Variants in MEX3D observed in about 807,000 individuals in gnomAD.
MEX3D encodes the protein mex-3 RNA binding family member D.
MEX3D carries 4 observed loss-of-function variants against 6.3 expected under a neutral mutation model. That is an observed-to-expected ratio of 0.64 (90% CI 0.31 to 1.46). The LOEUF (loss-of-function observed/expected upper bound fraction) is 1.46, where lower values mean the gene tolerates loss of function less well. Ranked by LOEUF, MEX3D falls within the 40% of genes most tolerant of loss-of-function variation. The pLI is 0.07. For missense variants in MEX3D, 1,038 were observed against 994.4 expected (o/e 1.04, Z -0.59); for synonymous variants, 626 against 494.1 (o/e 1.27, Z -3.54).
At position 1,556,477 on chromosome 19, in the gene MEX3D, C is replaced by G. The variant is rs1914565941; in HGVS notation, c.1042G>C (p.Ala348Pro). Residue 348 changes from alanine (A) to proline (P), a missense_variant, in exon 2 of 2, where the codon GCG (alanine) becomes CCG (proline). By Grantham distance (27) the Ala-to-Pro change is conservative. This residue lies in a region of MEX3D where 581 missense variants were observed against 516.2 expected (regional missense o/e 1.13). Transcript: ENST00000402693. The surrounding 1 kb of genome is among the most constrained non-coding windows in gnomAD (Gnocchi z 7.5). ...ITLRTGAFTDAGPDSDFHANG... is the reference protein window; with the variant it reads ...ITLRTGAFTDPGPDSDFHANG... ...GCGTGGAAGTCGCTGTCGGGGCCCGCGTCGGTGAAGGCGCCAGTGCGCAGC... is the reference window on the plus strand; with the variant it reads ...GCGTGGAAGTCGCTGTCGGGGCCCGGGTCGGTGAAGGCGCCAGTGCGCAGC... 3.1e-6 allele frequency: 5 copies of G among 1,601,710 alleles called. No individual in the cohort carries two copies. The highest frequency in any genetic ancestry group is 4.2e-6 in the Non-Finnish European group (5 of 1,177,876).
chr19:1,556,137 G>A lies in MEX3D; in HGVS notation c.1382C>T (p.Ala461Val). ...CDFGFDFDFLALDLTVPAAAT... is the reference protein window; with the variant it reads ...CDFGFDFDFLVLDLTVPAAAT... Reference sequence around the variant, plus strand: ...CGCGGCGGGCACGGTCAGGTCCAGCGCCAGGAAGTCGAAGTCGAAGCCGAA... The same window carrying A: ...CGCGGCGGGCACGGTCAGGTCCAGCACCAGGAAGTCGAAGTCGAAGCCGAA... Residue 461 changes from alanine (A) to valine (V), a missense_variant, in exon 2 of 2, where the codon GCG becomes GTG. Around this residue, in one of 5 missense-constraint regions of MEX3D, gnomAD observed 581 missense variants for 516.2 expected, o/e 1.13. Coordinates refer to ENST00000402693, the MANE Select transcript of MEX3D (RefSeq NM_203304.4). The surrounding 1 kb of genome is among the most constrained non-coding windows in gnomAD (Gnocchi z 7.5). 1 of 1,473,168 alleles carries A rather than the reference G, an allele frequency of 6.8e-7. No homozygotes were observed. The highest frequency in any genetic ancestry group is 9.0e-7 in the Non-Finnish European group (1 of 1,111,968). The allele number at this position is 1,473,168 out of a possible 1,614,324, so 91.3% of individuals were successfully genotyped here.
At position 1,555,511 on chromosome 19, in the gene MEX3D, G is replaced by A. The variant is rs1599320868; in HGVS notation, c.*52C>T. The A allele has an allele frequency of 4.7e-6, 6 of 1,275,100 alleles. No individual in the cohort carries two copies. The highest frequency in any genetic ancestry group is 6.2e-6 in the Non-Finnish European group (6 of 972,452). 79.0% of individuals were successfully genotyped at this position (1,275,100 alleles called of 1,614,324 possible). ...CACCCCGGGTCCCGCCCCGTCTCCCGCGCCCACCCCTGGCCCCCGCAGATG... is the reference window on the plus strand; with the variant it reads ...CACCCCGGGTCCCGCCCCGTCTCCCACGCCCACCCCTGGCCCCCGCAGATG... On this transcript the variant is annotated 3_prime_UTR_variant, in exon 2 of 2. Transcript: ENST00000402693.
chr19:1,555,365 G>A lies in MEX3D; in HGVS notation c.*198C>T. 1 of 1,602,300 alleles carries A rather than the reference G, an allele frequency of 6.2e-7. No individual in the cohort carries two copies. The highest frequency in any genetic ancestry group is 8.5e-7 in the Non-Finnish European group (1 of 1,174,014). ...TCGTTGAAGGGCTGAGGCGCCGCCG[G>A]GCTGCGGGGTCTCCGTCTCCACGCC... On this transcript the variant is annotated 3_prime_UTR_variant, in exon 2 of 2. Transcript: ENST00000402693.
chr19:1,556,141 GGAAGTCGAAGTCGAAGCC>G lies in MEX3D; in HGVS notation c.1360_1377del (p.Gly454_Phe459del). ...GCGGGCACGGTCAGGTCCAGCGCCA[GGAAGTCGAAGTCGAAGCC>G]GAAGTCGCAGTCGTCGGGGGCGGCC... is the stretch of plus-strand genomic sequence containing the variant. On this transcript the variant is annotated inframe_deletion, in exon 2 of 2. Coordinates refer to ENST00000402693, the MANE Select transcript of MEX3D (RefSeq NM_203304.4). The surrounding 1 kb of genome is among the most constrained non-coding windows in gnomAD (Gnocchi z 7.5). The G allele has an allele frequency of 6.8e-7, 1 of 1,475,232 alleles. No individual in the cohort carries two copies. The highest frequency in any genetic ancestry group is 9.0e-7 in the Non-Finnish European group (1 of 1,113,402). 91.4% of individuals were successfully genotyped at this position (1,475,232 alleles called of 1,614,324 possible).
At chr19:1,566,622 C>A (rs554571722) in intron 1 of MEX3D, among the ~76,000 whole-genome samples, 1 of 151,560 alleles carries the variant, frequency 6.6e-6, no homozygotes, top group Non-Finnish European at 1.5e-5. Flanking sequence ...GGGAGGCAGG[C>A]GGGCGGGTGG....
rs903317384 is a variant in MEX3D, at chr19:1,568,277, G to T, written c.-219C>A. On this transcript the variant is annotated 5_prime_UTR_variant, in exon 1 of 2. Transcript: ENST00000402693. ...CAGCGACTCTGGCTGCGGCTCGGCG[G>T]CGGCGGCGACGGCGGCGGCGGCTCC... 7.1e-6 allele frequency among the ~76,000 whole-genome samples: 1 copy of T among 141,518 alleles called. No homozygotes were observed. Among genetic ancestry groups the T allele is most frequent in the Non-Finnish European group, 1.6e-5 (1 of 63,946 alleles). 92.8% of individuals were successfully genotyped at this position (141,518 alleles called of 152,430 possible). A position where few individuals can be genotyped will look rare whatever the true frequency, so the allele number is the denominator to read the frequency against.
In MEX3D at chr19:1,567,566, C is replaced by G. The variant is rs1336075332; in HGVS notation, c.493G>C (p.Asp165His). 6.6e-7 allele frequency: 1 copy of G among 1,517,178 alleles called. No individual in the cohort carries two copies. Among genetic ancestry groups the G allele is most frequent in the Non-Finnish European group, 8.8e-7 (1 of 1,134,980 alleles). The allele number at this position is 1,517,178 out of a possible 1,614,324, so 94.0% of individuals were successfully genotyped here. A position where few individuals can be genotyped will look rare whatever the true frequency, so the allele number is the denominator to read the frequency against. The change falls in exon 1 of 2, where the codon GAC becomes CAC. Residue 165 changes from aspartate to histidine, a missense_variant. This residue lies in a region of MEX3D where 265 missense variants were observed against 206.3 expected (regional missense o/e 1.28). Transcript: ENST00000402693. The surrounding 1 kb of genome is among the most constrained non-coding windows in gnomAD (Gnocchi z 6.5). The part of the protein sequence containing the change: ...AALGPPTLLA[D>H]QMSVIGSRKK... ...CGGCTGCCGATCACGCTCATCTGGT[C>G]GGCCAGCAGCGTCGGGGGCCCCAGG...
chr19:1,556,230 C>A lies in MEX3D; in HGVS notation c.1289G>T (p.Gly430Val). 24 of 1,404,414 alleles carry A rather than the reference C, an allele frequency of 1.7e-5. No homozygotes were observed. The highest frequency in any genetic ancestry group is 2.5e-4 in the Middle Eastern group (1 of 3,932). 87.0% of individuals were successfully genotyped at this position (1,404,414 alleles called of 1,614,324 possible). ...ACCCTCCGCGCCGAAGGCGAAGCCC[C>A]CGTTGCCGGAGCCGCTGTAGGGGCT... ...PASPYSGSGN[G>V]GFAFGAEGPG... The change falls in exon 2 of 2, where the codon GGG becomes GTG. Residue 430 changes from glycine to valine, a missense_variant. By Grantham distance (109) the Gly-to-Val change is moderately radical (BLOSUM62 -3). Around this residue, in one of 5 missense-constraint regions of MEX3D, gnomAD observed 581 missense variants for 516.2 expected, o/e 1.13. Coordinates refer to ENST00000402693, the MANE Select transcript of MEX3D (RefSeq NM_203304.4). This position sits in a 1 kb window ranked among gnomAD's most constrained non-coding sequence, Gnocchi z 7.5.
In MEX3D at chr19:1,559,336, T is replaced by C. The variant is rs151181030; in HGVS notation, c.596-2413A>G. Among the ~76,000 whole-genome samples, 81 of 152,310 alleles carry C rather than the reference T, an allele frequency of 5.3e-4. 1 individual carries two copies. In the East Asian group the frequency reaches 0.014, roughly 26 times the overall value. On this transcript the variant is annotated intron_variant, in intron 1 of 1. Transcript: ENST00000402693. ...TTAGTACAGATGGGATTGCACCATG[T>C]TGGCCAGGCTGGTCTTGAACTCCTG...
At chr19:1,566,458 C>T (rs1914842642) in intron 1 of MEX3D, among the ~76,000 whole-genome samples, 1 of 152,146 alleles carries the variant, frequency 6.6e-6, no homozygotes, top group Non-Finnish European at 1.5e-5. Context: ...TCCCGAGGGC[C>T]CCGGGGAGGC....
At position 1,555,894 on chromosome 19, in the gene MEX3D, G is replaced by A. The variant is rs1914528583; in HGVS notation, c.1625C>T (p.Ser542Phe). The A allele has an allele frequency of 8.0e-7, 1 of 1,251,644 alleles. No individual in the cohort carries two copies. 77.5% of individuals were successfully genotyped at this position (1,251,644 alleles called of 1,614,324 possible). A position where few individuals can be genotyped will look rare whatever the true frequency, so the allele number is the denominator to read the frequency against. ...TACGGGGCCCTGCGGGGGTCGCCAGGACAGCGCGCCCACCGGGTCCGGGGC... is the reference window on the plus strand; with the variant it reads ...TACGGGGCCCTGCGGGGGTCGCCAGAACAGCGCGCCCACCGGGTCCGGGGC... ...RGAPDPVGAL[S>F]WRPPQGPVSF... is the part of the protein sequence containing the mutation. Residue 542 changes from serine (S) to phenylalanine (F), a missense_variant, in exon 2 of 2, where the codon TCC becomes TTC. By Grantham distance (155) the Ser-to-Phe change is radical. Coordinates refer to ENST00000402693, the MANE Select transcript of MEX3D (RefSeq NM_203304.4).
intron 1 of MEX3D, among the ~76,000 whole-genome samples, chr19:1,566,016 C>G (rs1914829883): frequency 6.6e-6 from 1 of 152,268 alleles, no homozygotes; most frequent in East Asian, 1.9e-4. Flanking sequence ...GGTCCCCAGG[C>G]CTCGGCTTGG....
Position 1,564,403 on chromosome 19 carries a change from C to T in MEX3D, c.595+3061G>A, listed in dbSNP as rs530980460. On this transcript the variant is annotated intron_variant, in intron 1 of 1. Transcript: ENST00000402693. Reference sequence around the variant, plus strand: ...CAAAAACCAGCTGGGCATAGTGGCACGTGCCTGTAATCCCACATACTAGGG... The same window carrying T: ...CAAAAACCAGCTGGGCATAGTGGCATGTGCCTGTAATCCCACATACTAGGG... 5.9e-5 allele frequency among the ~76,000 whole-genome samples: 9 copies of T among 152,140 alleles called. No homozygotes were observed. In the South Asian group the frequency reaches 1.2e-3, roughly 21 times the overall value.
intron 1 of MEX3D, among the ~76,000 whole-genome samples, chr19:1,558,915 C>T (rs1279252916): frequency 1.3e-5 from 2 of 151,804 alleles, no homozygotes; most frequent in Admixed American, 1.3e-4. Context: ...GTGTAGGCAA[C>T]CGCTGACCAG....
At chr19:1,560,207 C>T (rs1335936995) in intron 1 of MEX3D, among the ~76,000 whole-genome samples, 1 of 152,228 alleles carries the variant, frequency 6.6e-6, no homozygotes, top group African/African-American at 2.4e-5. Flanking sequence ...ATGACCAGGC[C>T]GTTGGCTCCT....
rs565139525 is a variant in MEX3D, at chr19:1,559,298, A to AT, written c.596-2376dup. Reference sequence around the variant, plus strand: ...AGGCGCCCACCACCACACCCAGCTAATTTTTTTTATTTTTAGTACAGATGG... The same window carrying AT: ...AGGCGCCCACCACCACACCCAGCTAATTTTTTTTTATTTTTAGTACAGATGG... On this transcript the variant is annotated intron_variant, in intron 1 of 1. Coordinates refer to ENST00000402693, the MANE Select transcript of MEX3D (RefSeq NM_203304.4). Among the ~76,000 whole-genome samples the AT allele has an allele frequency of 9.9e-3, 1,500 of 151,914 alleles. 18 individuals are homozygous for AT. The highest frequency in any genetic ancestry group is 0.065 in the Middle Eastern group (19 of 294).
rs915583305 is a variant in MEX3D at position 1,555,280 on chromosome 19, A to G, written c.*283T>C. On this transcript the variant is annotated 3_prime_UTR_variant, in exon 2 of 2. Coordinates refer to ENST00000402693, the MANE Select transcript of MEX3D (RefSeq NM_203304.4). ...AGGGGTGTCTAAAAATAAGAAAACT[A>G]AAAAAAGTGCAAGCGGACCTTTTCT... The G allele has an allele frequency of 2.6e-6, 4 of 1,530,420 alleles. No individual in the cohort carries two copies. In the African/African-American group the frequency reaches 4.2e-5, roughly 16 times the overall value. 94.8% of individuals were successfully genotyped at this position (1,530,420 alleles called of 1,614,324 possible). A position where few individuals can be genotyped will look rare whatever the true frequency, so the allele number is the denominator to read the frequency against.
chr19:1,567,247 C>A lies in MEX3D; in HGVS notation c.595+217G>T, dbSNP rs1168067413. On this transcript the variant is annotated intron_variant, in intron 1 of 1. Coordinates refer to ENST00000402693, the MANE Select transcript of MEX3D (RefSeq NM_203304.4). This position sits in a 1 kb window ranked among gnomAD's most constrained non-coding sequence, Gnocchi z 6.5. ...GCCCAGACAAAGGCGGCGGCGGGGC[C>A]GGAGCGCGCAGGGGAGGAGCGCGGG... is the stretch of plus-strand genomic sequence containing the variant. 6.6e-6 allele frequency among the ~76,000 whole-genome samples: 1 copy of A among 151,628 alleles called. No individual in the cohort carries two copies. The highest frequency in any genetic ancestry group is 2.0e-4 in the East Asian group (1 of 5,106).
rs1328885520 is a variant in MEX3D at position 1,567,641 on chromosome 19, G to A, written c.418C>T (p.Arg140Trp). 22 of 1,242,624 alleles carry A rather than the reference G, an allele frequency of 1.8e-5. No individual in the cohort carries two copies. The highest frequency in any genetic ancestry group is 6.4e-5 in the African/African-American group (4 of 62,950). 77.0% of individuals were successfully genotyped at this position (1,242,624 alleles called of 1,614,324 possible). Residue 140 changes from arginine to tryptophan, a missense_variant, in exon 1 of 2, where the codon CGG (arginine) becomes TGG (tryptophan). Around this residue, in one of 5 missense-constraint regions of MEX3D, gnomAD observed 265 missense variants for 206.3 expected, o/e 1.28. Transcript: ENST00000402693. This position sits in a 1 kb window ranked among gnomAD's most constrained non-coding sequence, Gnocchi z 6.5. ...GCGAACACGTCGGGGGGCGACGGCC[G>A]GGGCGGCGGCGGCGGCGGGGGACTC... is the stretch of plus-strand genomic sequence containing the variant. ...NASPPPPPPP[R>W]PSPPDVFAGF...
Sources: allele counts gnomAD v4.1 joint callset (sites outside exome capture counted in the v4.1 genomes callset), GRCh38; gene constraint gnomAD v4.1.1; regional missense constraint gnomAD v4.1.1; non-coding constraint Gnocchi (gnomAD v3.1); transcripts MANE v1.5; gene names NCBI Gene and HGNC (gene_info 2026-07-23, HGNC 2026-07-21).